The following OGDHL variants were observed in gnomAD, a reference collection of about 807,000 sequenced individuals.
OGDHL encodes oxoglutarate dehydrogenase L.
OGDHL carries 79 observed loss-of-function variants against 109.6 expected under a neutral mutation model. That is an observed-to-expected ratio of 0.72 (90% CI 0.60 to 0.87). The LOEUF (loss-of-function observed/expected upper bound fraction) is 0.87, where lower values mean the gene tolerates loss of function less well. Ranked by LOEUF, OGDHL falls within the 40% of genes least tolerant of loss-of-function variation. OGDHL has a pLI of 0.00. For missense variants in OGDHL, 1,275 were observed against 1,362.2 expected (o/e 0.94, Z 1.01); for synonymous variants, 528 against 537.2 (o/e 0.98, Z 0.24).
At chr10:49,760,805 T>A (rs1039877035) in intron 1 of OGDHL, among the ~76,000 whole-genome samples, 1 of 152,130 alleles carries the variant, frequency 6.6e-6, no homozygotes, top group African/African-American at 2.4e-5. Flanking sequence ...ATCACTGCAG[T>A]CAATATGTAA....
chr10:49,736,253 G>A (rs1841163726), intron 21 of OGDHL, 76 bp from the exon 22 acceptor site: 1 of 1,576,130 alleles, frequency 6.3e-7, no homozygotes, highest in Non-Finnish European at 8.6e-7. Flanking sequence ...AGGAGGCACA[G>A]GGCCTCACCG....
At chr10:49,740,976 C>A (rs1420996414) in intron 15 of OGDHL, 139 bp from the exon 16 acceptor site, 3 of 1,098,966 alleles carry the variant, frequency 2.7e-6, no homozygotes, top group African/African-American at 1.5e-5. Context: ...CACAACATGG[C>A]ATCCAAGAAG....
chr10:49,745,557 T>A (rs1842118887), intron 11 of OGDHL, 61 bp from the exon 12 acceptor site: 2 of 1,597,968 alleles, frequency 1.3e-6, no homozygotes, highest in Admixed American at 3.4e-5. Flanking sequence ...ATGTAGCTGC[T>A]GCAAAATTGG....
chr10:49,749,931 C>A, intron 7 of OGDHL, 115 bp from the exon 8 acceptor site: 1 of 789,932 alleles, frequency 1.3e-6, no homozygotes, highest in South Asian at 1.6e-5. Flanking sequence ...CCAGAGCCCT[C>A]CTCAGGCCAC....
chr10:49,761,403 G>A (rs60541458), intron 1 of OGDHL, among the ~76,000 whole-genome samples: 2,957 of 152,340 alleles, frequency 0.019, 78 homozygotes, highest in African/African-American at 0.054. Context: ...GCAGAGATCA[G>A]TAAACAGAGG....
chr10:49,742,757 CG>C, intron 15 of OGDHL, 70 bp downstream of exon 15: 1 of 1,531,534 alleles, frequency 6.5e-7, no homozygotes, highest in South Asian at 1.3e-5. Flanking sequence ...AAGGCCCCCT[CG>C]GGATCCCCAA....
intron 1 of OGDHL, among the ~76,000 whole-genome samples, chr10:49,759,781 G>A (rs1013295144): frequency 2.6e-5 from 4 of 152,200 alleles, no homozygotes; most frequent in Admixed American, 2.0e-4. Flanking sequence ...CGCCCAGCTT[G>A]TAAGCTGGGT....
chr10:49,761,702 C>A (rs900134767), intron 1 of OGDHL, among the ~76,000 whole-genome samples: 1 of 152,222 alleles, frequency 6.6e-6, no homozygotes, highest in East Asian at 1.9e-4. Flanking sequence ...TCCCACATCT[C>A]CCGGGGGGCG....
In OGDHL at chr10:49,745,967, G is replaced by A. The variant is rs1161032217; in HGVS notation, c.1307C>T (p.Thr436Ile). The A allele has an allele frequency of 6.2e-7, 1 of 1,613,980 alleles. No homozygotes were observed. Among genetic ancestry groups the A allele is most frequent in the Non-Finnish European group, 8.5e-7 (1 of 1,179,902 alleles). ...GGAGCGGGCCATTCGGGGGTCTGTG[G>A]TGAATCCAATCTGCAGAGGCAGGAG... ...HVVVNNQIGF[T>I]TDPRMARSSP... The change falls in exon 11 of 23, where the codon ACC becomes ATC. Residue 436 changes from threonine to isoleucine, a missense_variant. By Grantham distance (89) the Thr-to-Ile change is moderately conservative (BLOSUM62 -1). Coordinates refer to ENST00000374103, the MANE Select transcript of OGDHL (RefSeq NM_018245.3).
In OGDHL at chr10:49,739,654, C is replaced by T; in HGVS notation, c.2319+7G>A. On this transcript the variant is annotated splice_region_variant and intron_variant, in intron 17 of 22. Transcript: ENST00000374103. ...ACCAAGCCACCAGCCACCACCGCAG[C>T]CCTCACCATGCCTTCCATGCCATGG... 6.2e-7 allele frequency: 1 copy of T among 1,612,068 alleles called. No homozygotes were observed. Among genetic ancestry groups the T allele is most frequent in the African/African-American group, 1.3e-5 (1 of 75,036 alleles).
chr10:49,742,762 TC>T lies in OGDHL; in HGVS notation c.2012+65del. The T allele has an allele frequency of 2.6e-6, 4 of 1,544,750 alleles. No individual in the cohort carries two copies. In the South Asian group the frequency reaches 4.9e-5, roughly 19 times the overall value. ...CACCCCAACAAAGGCCCCCTCGGGATCCCCAAGCCAGGCCCAGCTTCTGCTC... is the reference window on the plus strand; with the variant it reads ...CACCCCAACAAAGGCCCCCTCGGGATCCCAAGCCAGGCCCAGCTTCTGCTC... On this transcript the variant is annotated intron_variant, in intron 15 of 22. Coordinates refer to ENST00000374103, the MANE Select transcript of OGDHL (RefSeq NM_018245.3).
At chr10:49,757,815 G>T (rs1843006450) in intron 2 of OGDHL, among the ~76,000 whole-genome samples, 1 of 152,236 alleles carries the variant, frequency 6.6e-6, no homozygotes, top group Admixed American at 6.5e-5. Context: ...TACATTTGCA[G>T]TAAGTTTACC....
Position 49,752,013 on chromosome 10 carries a change from C to T in OGDHL, c.595-32G>A, listed in dbSNP as rs768252302. ...AGACACATTGGGACCCCATGAGGAG[C>T]GGGGAAGAGGGACGGCTGACATCCC... On this transcript the variant is annotated intron_variant, in intron 5 of 22. Coordinates refer to ENST00000374103, the MANE Select transcript of OGDHL (RefSeq NM_018245.3). The T allele has an allele frequency of 6.3e-5, 102 of 1,613,174 alleles. 1 individual carries two copies. In the South Asian group the frequency reaches 8.3e-4, roughly 13 times the overall value.
chr10:49,744,191 T>A, intron 13 of OGDHL, 69 bp from the exon 14 acceptor site: 1 of 1,568,118 alleles, frequency 6.4e-7, no homozygotes, highest in Admixed American at 1.7e-5. Context: ...CCAGCCTGCC[T>A]CCCCAGGACT....
chr10:49,746,999 G>A, intron 9 of OGDHL, 30 bp downstream of exon 9: 1 of 1,611,362 alleles, frequency 6.2e-7, no homozygotes, highest in African/African-American at 1.3e-5. Flanking sequence ...GAAGGGCCCA[G>A]GTCCTCTGGG....
Position 49,739,666 on chromosome 10 carries a change from C to T in OGDHL, c.2314G>A (p.Gly772Ser). Reference protein sequence around the residue: ...IVLLLPHGMEGMGPEHSSARP... With the variant: ...IVLLLPHGMESMGPEHSSARP... ...GCCACCACCGCAGCCCTCACCATGC[C>T]TTCCATGCCATGGGGCAGCAGCAGC... The change falls in exon 17 of 23, where the codon GGC (glycine) becomes AGC (serine). Residue 772 changes from glycine to serine, a missense_variant. By Grantham distance (56) the Gly-to-Ser change is moderately conservative. Transcript: ENST00000374103. The T allele has an allele frequency of 6.2e-7, 1 of 1,613,278 alleles. No homozygotes were observed. The highest frequency in any genetic ancestry group is 8.5e-7 in the Non-Finnish European group (1 of 1,179,508).
chr10:49,746,482 G>A (rs1842193696), intron 10 of OGDHL, among the ~76,000 whole-genome samples: 1 of 152,212 alleles, frequency 6.6e-6, no homozygotes, highest in Non-Finnish European at 1.5e-5. Flanking sequence ...GTCTAAGATT[G>A]CCCATGTGGG....
rs369534641 is a variant in OGDHL at position 49,737,783 on chromosome 10, T to C, written c.2590+3A>G. 6.2e-7 allele frequency: 1 copy of C among 1,614,040 alleles called. No individual in the cohort carries two copies. The highest frequency in any genetic ancestry group is 8.5e-7 in the Non-Finnish European group (1 of 1,180,020). ...ACCCCACACACCCAGGCCAGGCACG[T>C]ACCGGATACCATTTGGTCAAAGCTG... is the stretch of plus-strand genomic sequence containing the variant. On this transcript the variant is annotated splice_donor_region_variant and intron_variant, in intron 20 of 22. Transcript: ENST00000374103.
chr10:49,739,635 C>T, intron 17 of OGDHL, 26 bp downstream of exon 17: 2 of 1,605,864 alleles, frequency 1.2e-6, no homozygotes, highest in South Asian at 1.1e-5. Flanking sequence ...ACCCACCAAG[C>T]CACCAGCCAC....
Sources: allele counts gnomAD v4.1 joint callset (sites outside exome capture counted in the v4.1 genomes callset), GRCh38; gene constraint gnomAD v4.1.1; transcripts MANE v1.5; gene names NCBI Gene and HGNC (gene_info 2026-07-23, HGNC 2026-07-21).